BNC2: variants seen among roughly 807,000 people sequenced by gnomAD.
The protein encoded by BNC2 is basonuclin zinc finger protein 2.
In BNC2, 20 loss-of-function variants were observed where a neutral mutation model predicts 76.3. The observed-to-expected ratio is 0.26, with a 90% CI of 0.18 to 0.38. The LOEUF (loss-of-function observed/expected upper bound fraction) is 0.38. Ranked by LOEUF, BNC2 falls within the 10% of genes least tolerant of loss-of-function variation. The probability of loss-of-function intolerance (pLI) is 1.00; values close to 1 mark genes in which losing one functional copy is unlikely to be tolerated. For missense variants in BNC2, 1,382 were observed against 1,399.8 expected, an observed-to-expected ratio of 0.99 and a Z score of 0.20; for synonymous variants, 582 against 514.8, an observed-to-expected ratio of 1.13 and a Z score of -1.77.
intron 3 of BNC2, among the ~76,000 whole-genome samples, chr9:16,682,270 A>G (rs1220961670): frequency 1.3e-5 from 2 of 150,930 alleles, no homozygotes; most frequent in Admixed American, 6.6e-5. Context: ...AAGTTTCAAG[A>G]CACCCTATAC....
intron 3 of BNC2, among the ~76,000 whole-genome samples, chr9:16,712,610 A>C (rs1206856528): frequency 1.3e-5 from 2 of 152,242 alleles, no homozygotes; most frequent in African/African-American, 2.4e-5. Context: ...GCAAAACAAC[A>C]CAACGGACAC....
In BNC2 at chr9:16,552,701, G is replaced by A. The variant is rs201345598; in HGVS notation, c.498C>T (p.Asn166=). 38 of 1,614,080 alleles carry A rather than the reference G, an allele frequency of 2.4e-5. No individual in the cohort carries two copies. The highest frequency in any genetic ancestry group is 1.5e-4 in the Admixed American group (9 of 60,010). Residue 166 remains asparagine (N), a synonymous_variant, in exon 5 of 7, where the codon AAC becomes AAT. Coordinates refer to ENST00000380672, the MANE Select transcript of BNC2 (RefSeq NM_017637.6). The part of the protein sequence containing the change: ...HPTQVEIVQS[N]VVFDISSLML... ...TCAGGCTGCTGATGTCAAACACGAC[G>A]TTGGACTGCACAATCTCCACTTGGG... is the stretch of plus-strand genomic sequence containing the variant.
chr9:16,692,833 A>G (rs560658070), intron 3 of BNC2, among the ~76,000 whole-genome samples: 129 of 152,222 alleles, frequency 8.5e-4, no homozygotes, highest in Non-Finnish European at 1.2e-3. Context: ...ACTTAGTGTT[A>G]AAGACTTCAC....
chr9:16,746,673 A>G (rs1825017065), intron 1 of BNC2, among the ~76,000 whole-genome samples: 2 of 151,106 alleles, frequency 1.3e-5, no homozygotes, highest in Non-Finnish European at 3.0e-5. Flanking sequence ...CCTAAACTTA[A>G]AATTCGGCCA....
chr9:16,684,282 C>T (rs894574769), intron 3 of BNC2, among the ~76,000 whole-genome samples: 1 of 152,218 alleles, frequency 6.6e-6, no homozygotes, highest in South Asian at 2.1e-4. Context: ...TCTTCCATCA[C>T]TCTGCATTTG....
At chr9:16,471,792 C>A (rs1821831869) in intron 5 of BNC2, among the ~76,000 whole-genome samples, 1 of 152,040 alleles carries the variant, frequency 6.6e-6, no homozygotes, top group Non-Finnish European at 1.5e-5. Flanking sequence ...TTGGCTGTGT[C>A]CCCACCAAAA....
chr9:16,719,858 TGAAA>T (rs1563913946), intron 3 of BNC2, among the ~76,000 whole-genome samples: 1 of 152,218 alleles, frequency 6.6e-6, no homozygotes, highest in African/African-American at 2.4e-5. Context: ...GCAGTTTGTC[TGAAA>T]GAATCATCCC....
At chr9:16,640,183 A>C (rs1486107827) in intron 3 of BNC2, among the ~76,000 whole-genome samples, 1 of 152,198 alleles carries the variant, frequency 6.6e-6, no homozygotes, top group African/African-American at 2.4e-5. Context: ...ATTAAGCAAA[A>C]GAAGAAAACA....
chr9:16,504,182 G>A (rs1488008991), intron 5 of BNC2, among the ~76,000 whole-genome samples: 1 of 151,956 alleles, frequency 6.6e-6, no homozygotes, highest in African/African-American at 2.4e-5. Flanking sequence ...CACTGTATGT[G>A]AAAATGCTTA....
At chr9:16,648,397 G>A (rs373738794) in intron 3 of BNC2, among the ~76,000 whole-genome samples, 1 of 152,200 alleles carries the variant, frequency 6.6e-6, no homozygotes, top group Non-Finnish European at 1.5e-5. Flanking sequence ...GGACTGCATG[G>A]TGATAGCAGT....
At chr9:16,732,674 C>A (rs1044479676) in intron 2 of BNC2, among the ~76,000 whole-genome samples, 1 of 152,168 alleles carries the variant, frequency 6.6e-6, no homozygotes, top group Non-Finnish European at 1.5e-5. Context: ...ATTCACTATT[C>A]ATTTTCAAGG....
chr9:16,726,723 A>G (rs1044555202), intron 3 of BNC2: 1 of 152,142 alleles, frequency 6.6e-6, no homozygotes, highest in Non-Finnish European at 1.5e-5. Context: ...TGTGGATGAT[A>G]ATATCAAACT....
chr9:16,658,453 T>C (rs975884406), intron 3 of BNC2, among the ~76,000 whole-genome samples: 2 of 152,318 alleles, frequency 1.3e-5, no homozygotes, highest in South Asian at 4.1e-4. Context: ...CACATTACCC[T>C]GGTCAAATGC....
intron 3 of BNC2, among the ~76,000 whole-genome samples, chr9:16,591,059 A>G (rs974906258): frequency 1.3e-5 from 2 of 152,200 alleles, no homozygotes; most frequent in Non-Finnish European, 2.9e-5. Context: ...CACAAAGACT[A>G]AAAAACTCAC....
intron 1 of BNC2, among the ~76,000 whole-genome samples, chr9:16,791,920 T>C (rs1007660846): frequency 6.6e-6 from 1 of 152,190 alleles, no homozygotes; most frequent in Non-Finnish European, 1.5e-5. Flanking sequence ...CTGGGCAGCA[T>C]GGCAAAACTC....
intron 5 of BNC2, among the ~76,000 whole-genome samples, chr9:16,451,151 T>C (rs895674481): frequency 6.6e-6 from 1 of 152,168 alleles, no homozygotes; most frequent in Non-Finnish European, 1.5e-5. Context: ...AATGTGTGTT[T>C]AGGGGAGACA....
intron 4 of BNC2, chr9:16,580,271 T>C (rs544024162): frequency 2.5e-6 from 1 of 397,680 alleles, no homozygotes; most frequent in South Asian, 1.3e-4. Context: ...TTTGGCCTCA[T>C]GAATGGGGAG....
At chr9:16,805,745 A>C (rs1305078629) in intron 1 of BNC2, among the ~76,000 whole-genome samples, 1 of 152,104 alleles carries the variant, frequency 6.6e-6, no homozygotes, top group East Asian at 1.9e-4. Context: ...ACGCAAACAC[A>C]GTGTCCCTTC....
At chr9:16,460,585 T>C (rs1821557242) in intron 5 of BNC2, among the ~76,000 whole-genome samples, 3 of 152,282 alleles carry the variant, frequency 2.0e-5, no homozygotes, top group Admixed American at 6.5e-5. Flanking sequence ...ATCATGCCGC[T>C]GCACTCTAGC....
Sources: allele counts gnomAD v4.1 joint callset (sites outside exome capture counted in the v4.1 genomes callset), GRCh38; gene constraint gnomAD v4.1.1; transcripts MANE v1.5; gene names NCBI Gene and HGNC (gene_info 2026-07-23, HGNC 2026-07-21).